The following XRN1 variants were observed in gnomAD, a reference collection of about 807,000 sequenced individuals.
XRN1 encodes the protein strand-exchange protein 1 homolog.
A neutral mutation model predicts 222.3 loss-of-function variants in XRN1; 67 were observed. The observed-to-expected ratio is 0.30, with a 90% CI of 0.25 to 0.37. XRN1 has a LOEUF of 0.37. XRN1 is among the 10% of genes least tolerant of loss of function. The probability of loss-of-function intolerance (pLI) is 1.00; values close to 1 mark genes in which losing one functional copy is unlikely to be tolerated. For missense variants in XRN1, 1,707 were observed against 2,000.2 expected (o/e 0.85, Z 2.80); for synonymous variants, 643 against 652.4 (o/e 0.99, Z 0.22).
intron 1 of XRN1, among the ~76,000 whole-genome samples, chr3:142,440,978 C>T (rs1261193586): frequency 1.3e-5 from 2 of 152,168 alleles, no homozygotes; most frequent in Admixed American, 6.5e-5. Flanking sequence ...TCTTGTCCTT[C>T]GGTACGCGGA....
rs373908998 is a variant in XRN1 at position 142,426,736 on chromosome 3, G to C, written c.406+8C>G. 19 of 1,603,834 alleles carry C rather than the reference G, an allele frequency of 1.2e-5. No individual in the cohort carries two copies. In the African/African-American group the frequency reaches 2.6e-4, roughly 22 times the overall value. ...ATTCTGTCATAATTTGTCTCTCAGT[G>C]AATTTACCTGGTGTGATACAGTTGG... is the stretch of plus-strand genomic sequence containing the variant. On this transcript the variant is annotated splice_region_variant and intron_variant, in intron 3 of 40. Transcript: ENST00000392981.
At chr3:142,332,621 GA>G (rs2065732115) in intron 35 of XRN1, 87 bp from the exon 36 acceptor site, 6 of 1,250,708 alleles carry the variant, frequency 4.8e-6, no homozygotes, top group Non-Finnish European at 5.4e-6. Flanking sequence ...ATCTTTCTTG[GA>G]AAGAATTCCA....
intron 33 of XRN1, among the ~76,000 whole-genome samples, chr3:142,337,997 C>T (rs1178479417): frequency 1.3e-5 from 2 of 152,212 alleles, no homozygotes; most frequent in Non-Finnish European, 2.9e-5. Context: ...GCCTTGCCCC[C>T]ATGGACTGAA....
chr3:142,397,277 C>T (rs2067965713), intron 20 of XRN1, 52 bp downstream of exon 20: 30 of 1,492,282 alleles, frequency 2.0e-5, no homozygotes, highest in Non-Finnish European at 2.7e-5. Context: ...AGAATGAGTA[C>T]ATTAAAACGG....
chr3:142,415,761 G>A lies in XRN1; in HGVS notation c.1436+1379C>T, dbSNP rs74890408. 5.5e-3 allele frequency among the ~76,000 whole-genome samples: 843 copies of A among 152,274 alleles called. 7 individuals are homozygous for A. Among genetic ancestry groups the A allele is most frequent in the African/African-American group, 0.019 (803 of 41,560 alleles). The stretch of plus-strand genomic sequence containing the variant: ...TTTGCACTGGTTTGTATTGCTAGAT[G>A]GAGCTCTGAAACAGAGCCTAGCACA... On this transcript the variant is annotated intron_variant, in intron 13 of 40. Transcript: ENST00000392981.
chr3:142,430,114 G>C (rs1465763378), intron 2 of XRN1, among the ~76,000 whole-genome samples: 1 of 152,130 alleles, frequency 6.6e-6, no homozygotes. Flanking sequence ...TTGGTAGGGG[G>C]CTCTGAACTC....
At chr3:142,331,836 G>A (rs934846454) in intron 36 of XRN1, among the ~76,000 whole-genome samples, 9 of 152,070 alleles carry the variant, frequency 5.9e-5, no homozygotes, top group African/African-American at 1.4e-4. Context: ...GTGCAGTGGC[G>A]TGATCTTGGC....
In XRN1 at chr3:142,383,291, G is replaced by A. The variant is rs200379372; in HGVS notation, c.2616+9C>T. On this transcript the variant is annotated intron_variant, in intron 22 of 40. Transcript: ENST00000392981. ...GAAAAATGTATCAGTAACAATAATGGAAACTAACTTCTCCAGTGCAGCCAT... is the reference window on the plus strand; with the variant it reads ...GAAAAATGTATCAGTAACAATAATGAAAACTAACTTCTCCAGTGCAGCCAT... 6.3e-7 allele frequency: 1 copy of A among 1,598,096 alleles called. No homozygotes were observed. Among genetic ancestry groups the A allele is most frequent in the African/African-American group, 1.3e-5 (1 of 74,218 alleles).
At position 142,329,625 on chromosome 3, in the gene XRN1, A is replaced by G. The variant is rs1418659280; in HGVS notation, c.4223-10T>C. On this transcript the variant is annotated splice_polypyrimidine_tract_variant and intron_variant, in intron 36 of 40. Transcript: ENST00000392981. ...TTGTTCATATAAGATGCTACCAAAAAAGAGAAAAGAGTCTATCTTTATTAA... is the reference window on the plus strand; with the variant it reads ...TTGTTCATATAAGATGCTACCAAAAGAGAGAAAAGAGTCTATCTTTATTAA... 4 of 1,527,896 alleles carry G rather than the reference A, an allele frequency of 2.6e-6. No individual in the cohort carries two copies. The highest frequency in any genetic ancestry group is 2.9e-5 in the African/African-American group (2 of 69,090). The allele number at this position is 1,527,896 out of a possible 1,614,324, so 94.6% of individuals were successfully genotyped here.
intron 2 of XRN1, among the ~76,000 whole-genome samples, chr3:142,430,483 G>A (rs184721234): frequency 6.6e-6 from 1 of 152,310 alleles, no homozygotes; most frequent in African/African-American, 2.4e-5. Context: ...TAAGTCTTGG[G>A]TGGTATTTGA....
rs146892703 is a variant in XRN1, at chr3:142,389,477, A to G, written c.2340-4792T>C. Reference sequence around the variant, plus strand: ...ATCATGAATGTTCTTAATGGCATCTATAATAGTGAATCCTTTCCAGAACGT... The same window carrying G: ...ATCATGAATGTTCTTAATGGCATCTGTAATAGTGAATCCTTTCCAGAACGT... On this transcript the variant is annotated intron_variant, in intron 20 of 40. Transcript: ENST00000392981. 2.8e-3 allele frequency among the ~76,000 whole-genome samples: 426 copies of G among 152,298 alleles called. 2 individuals are homozygous for G. The highest frequency in any genetic ancestry group is 5.9e-3 in the Admixed American group (91 of 15,296).
At chr3:142,398,639 T>G (rs1488591340) in intron 19 of XRN1, among the ~76,000 whole-genome samples, 1 of 152,152 alleles carries the variant, frequency 6.6e-6, no homozygotes, top group Non-Finnish European at 1.5e-5. Flanking sequence ...AGTGCTGAGA[T>G]TACAGGCTTG....
intron 39 of XRN1, among the ~76,000 whole-genome samples, chr3:142,318,313 T>A (rs991722708): frequency 3.9e-5 from 6 of 152,150 alleles, no homozygotes; most frequent in African/African-American, 1.2e-4. Context: ...ACATGATTTT[T>A]TTTTTACCTT....
Position 142,400,455 on chromosome 3 carries a change from A to G in XRN1, c.2196T>C (p.Asp732=). Residue 732 remains aspartate (D), a synonymous_variant, in exon 19 of 41, where the codon GAT becomes GAC. Coordinates refer to ENST00000392981, the MANE Select transcript of XRN1 (RefSeq NM_001282857.2). ...CAAATCTTACTTACTTAGTTTCTCC[A>G]TCTGATACAGCCACGACTCTAGCTT... ...LEEARVVAVS[D]GETKFYLEEP... 1.2e-6 allele frequency: 2 copies of G among 1,607,408 alleles called. No individual in the cohort carries two copies. The highest frequency in any genetic ancestry group is 1.7e-6 in the Non-Finnish European group (2 of 1,176,926).
chr3:142,407,224 C>T (rs1042610238), intron 15 of XRN1, among the ~76,000 whole-genome samples: 6 of 152,212 alleles, frequency 3.9e-5, no homozygotes, highest in African/African-American at 1.2e-4. Context: ...GTTCCAACAT[C>T]ACTAGCAAAG....
At chr3:142,397,721 T>C (rs2067981966) in intron 19 of XRN1, among the ~76,000 whole-genome samples, 2 of 152,302 alleles carry the variant, frequency 1.3e-5, no homozygotes, top group African/African-American at 2.4e-5. Context: ...AGTTGGTTAA[T>C]ACAAAGTTAG....
Position 142,342,836 on chromosome 3 carries a change from T to C in XRN1, c.3877+4398A>G, listed in dbSNP as rs566713716. On this transcript the variant is annotated intron_variant, in intron 33 of 40. Transcript: ENST00000392981. ...AGTATGACAGTACTCAAAGAAAACA[T>C]TGGGGAAACTCCGACACTGGACTGG... is the stretch of plus-strand genomic sequence containing the variant. Among the ~76,000 whole-genome samples, 14 of 152,200 alleles carry C rather than the reference T, an allele frequency of 9.2e-5. No individual in the cohort carries two copies. The South Asian group carries it at 1.5e-3, about 16-fold the overall frequency.
intron 37 of XRN1, among the ~76,000 whole-genome samples, chr3:142,319,592 T>C (rs147146128): frequency 4.6e-5 from 7 of 152,316 alleles, no homozygotes; most frequent in Admixed American, 2.0e-4. Flanking sequence ...AGTGGTGAAG[T>C]ATGGACTTTA....
chr3:142,345,371 A>G (rs1006868063), intron 33 of XRN1, among the ~76,000 whole-genome samples: 4 of 152,218 alleles, frequency 2.6e-5, no homozygotes, highest in African/African-American at 9.7e-5. Flanking sequence ...ATGAACTCCT[A>G]CATCATACCA....
Sources: allele counts gnomAD v4.1 joint callset (sites outside exome capture counted in the v4.1 genomes callset), GRCh38; gene constraint gnomAD v4.1.1; transcripts MANE v1.5; gene names NCBI Gene and HGNC (gene_info 2026-07-23, HGNC 2026-07-21).